Variants in TSHZ1 observed in about 807,000 individuals in gnomAD.
TSHZ1 encodes teashirt zinc finger homeobox 1, also known as teashirt homolog 1.
A neutral mutation model predicts 67.1 loss-of-function variants in TSHZ1; 12 were observed. That is an observed-to-expected ratio of 0.18 (90% CI 0.11 to 0.29). The LOEUF is 0.29. Among genes scored for constraint, TSHZ1 ranks in the 10% least tolerant of loss-of-function variants. TSHZ1 has a pLI of 1.00. For missense variants in TSHZ1, 1,305 were observed against 1,413.9 expected (o/e 0.92, Z 1.23); for synonymous variants, 632 against 622.4 (o/e 1.02, Z -0.23).
intron 1 of TSHZ1, among the ~76,000 whole-genome samples, chr18:75,250,482 C>T (rs1442090447): frequency 1.3e-5 from 2 of 152,232 alleles, no homozygotes; most frequent in Non-Finnish European, 1.5e-5. Context: ...AGCCCTCCTG[C>T]CCTCCCCGCG....
intron 1 of TSHZ1, among the ~76,000 whole-genome samples, chr18:75,240,055 C>T (rs1219957286): frequency 6.6e-6 from 1 of 152,178 alleles, no homozygotes; most frequent in African/African-American, 2.4e-5. Flanking sequence ...GATGTCCCCT[C>T]CTTGAGCCCA....
intron 1 of TSHZ1, among the ~76,000 whole-genome samples, chr18:75,263,977 T>C (rs1056225088): frequency 2.6e-5 from 4 of 152,232 alleles, no homozygotes; most frequent in African/African-American, 9.6e-5. Flanking sequence ...TACATTCTAT[T>C]CCATTGTCCA....
intron 1 of TSHZ1, among the ~76,000 whole-genome samples, chr18:75,250,404 C>T (rs1446783197): frequency 1.3e-5 from 2 of 152,216 alleles, no homozygotes. Flanking sequence ...GTGGGCTCTC[C>T]CTTCCGTCCC....
rs1257734332 is a variant in TSHZ1 at position 75,263,816 on chromosome 18, G to A, written c.41-21632G>A. On this transcript the variant is annotated intron_variant, in intron 1 of 1. Transcript: ENST00000580243. Reference sequence around the variant, plus strand: ...TTTTACTAAGTTTTTGATACTGGAAGATTCTGTGTTTTGAGTTTGGAGGGG... The same window carrying A: ...TTTTACTAAGTTTTTGATACTGGAAAATTCTGTGTTTTGAGTTTGGAGGGG... Among the ~76,000 whole-genome samples, 4 of 152,190 alleles carry A rather than the reference G, an allele frequency of 2.6e-5. No homozygotes were observed. In the East Asian group the frequency reaches 7.7e-4, roughly 29 times the overall value.
At chr18:75,245,464 T>C (rs1356248785) in intron 1 of TSHZ1, 3 of 152,238 alleles carry the variant, frequency 2.0e-5, no homozygotes, top group African/African-American at 7.2e-5. Flanking sequence ...GTTTGTACGA[T>C]GCTGCTGTGC....
chr18:75,245,877 G>GA (rs367559140), intron 1 of TSHZ1, among the ~76,000 whole-genome samples: 1 of 152,064 alleles, frequency 6.6e-6, no homozygotes, highest in Non-Finnish European at 1.5e-5. Flanking sequence ...TACCATAACA[G>GA]AAAAAAAGTT....
chr18:75,243,623 G>T (rs1007901026), intron 1 of TSHZ1, among the ~76,000 whole-genome samples: 2 of 152,160 alleles, frequency 1.3e-5, no homozygotes, highest in African/African-American at 4.8e-5. Flanking sequence ...GCAGCAGTTG[G>T]AAAAGGGTCT....
intron 1 of TSHZ1, among the ~76,000 whole-genome samples, chr18:75,264,915 A>G (rs2023472544): frequency 6.6e-6 from 1 of 152,218 alleles, no homozygotes; most frequent in Admixed American, 6.5e-5. Flanking sequence ...CCACAGCTAA[A>G]ATAAATTTCT....
intron 1 of TSHZ1, among the ~76,000 whole-genome samples, chr18:75,233,141 G>A (rs1031654100): frequency 1.3e-5 from 2 of 152,342 alleles, no homozygotes; most frequent in South Asian, 2.1e-4. Flanking sequence ...TTTCTGTGTC[G>A]TAGGAGTTCT....
At chr18:75,211,937 G>A (rs1310652338) in intron 1 of TSHZ1, 21 bp downstream of exon 1, 8 of 1,202,908 alleles carry the variant, frequency 6.7e-6, no homozygotes, top group African/African-American at 4.8e-5. Flanking sequence ...CGCGGCCCGC[G>A]CCGCGGGGAG....
Position 75,260,732 on chromosome 18 carries a change from T to C in TSHZ1, c.41-24716T>C, listed in dbSNP as rs535368948. Among the ~76,000 whole-genome samples the C allele has an allele frequency of 5.3e-5, 8 of 152,220 alleles. No homozygotes were observed. In the East Asian group the frequency reaches 9.7e-4, roughly 18 times the overall value. ...TCCTGGATGCTCCTCAGTTTTGCCT[T>C]TGTGACTCCTTCAGTCAACATTGAT... On this transcript the variant is annotated intron_variant, in intron 1 of 1. Transcript: ENST00000580243.
intron 1 of TSHZ1, among the ~76,000 whole-genome samples, chr18:75,242,517 ATT>A (rs1407840421): frequency 6.6e-6 from 1 of 152,258 alleles, no homozygotes; most frequent in Non-Finnish European, 1.5e-5. Flanking sequence ...TAGGTGGACC[ATT>A]TGTCATTCTG....
At chr18:75,219,924 C>T (rs1428220770) in intron 1 of TSHZ1, among the ~76,000 whole-genome samples, 1 of 152,230 alleles carries the variant, frequency 6.6e-6, no homozygotes, top group East Asian at 1.9e-4. Flanking sequence ...GATACATGCA[C>T]AGTCATATGT....
chr18:75,280,244 GTA>G (rs1213060398), intron 1 of TSHZ1, among the ~76,000 whole-genome samples: 41 of 152,216 alleles, frequency 2.7e-4, no homozygotes, highest in African/African-American at 9.9e-4. Context: ...AGGACATCTT[GTA>G]TAAGGGACAT....
At chr18:75,255,810 CA>C (rs1314989262) in intron 1 of TSHZ1, among the ~76,000 whole-genome samples, 1 of 152,184 alleles carries the variant, frequency 6.6e-6, no homozygotes, top group Non-Finnish European at 1.5e-5. Flanking sequence ...CACGTTTCTG[CA>C]TGTGTATTTT....
rs2023739659 is a variant in TSHZ1 at position 75,285,501 on chromosome 18, G to C, written c.94G>C (p.Glu32Gln). 6.5e-7 allele frequency: 1 copy of C among 1,528,446 alleles called. No individual in the cohort carries two copies. The highest frequency in any genetic ancestry group is 8.8e-7 in the Non-Finnish European group (1 of 1,134,874). The allele number at this position is 1,528,446 out of a possible 1,614,324, so 94.7% of individuals were successfully genotyped here. A position where few individuals can be genotyped will look rare whatever the true frequency, so the allele number is the denominator to read the frequency against. The change falls in exon 2 of 2, where the codon GAG becomes CAG. Residue 32 changes from glutamate to glutamine, a missense_variant. Physicochemically the swap from Glu to Gln is conservative, Grantham distance 29. Around this residue, in one of 3 missense-constraint regions of TSHZ1, gnomAD observed 358 missense variants for 375.6 expected, o/e 0.95. Transcript: ENST00000580243. The part of the protein sequence containing the change: ...KAAEIDEEHV[E>Q]DDGLSLDIQE... ...AGCAGAAATAGATGAAGAGCACGTG[G>C]AGGATGACGGGCTGTCTTTGGACAT...
In TSHZ1 at chr18:75,289,373, A is replaced by G. The variant is rs1224527323; in HGVS notation, c.*732A>G. 1 of 166,918 alleles carries G rather than the reference A, an allele frequency of 6.0e-6. No homozygotes were observed. Among genetic ancestry groups the G allele is most frequent in the Non-Finnish European group, 1.5e-5 (1 of 68,118 alleles). 10.3% of individuals were successfully genotyped at this position (166,918 alleles called of 1,614,324 possible). Reference sequence around the variant, plus strand: ...CGGCAAAAAAAAAAGTATGCAAGCTATTATTTAAAAATGTGTAAAAATGCT... The same window carrying G: ...CGGCAAAAAAAAAAGTATGCAAGCTGTTATTTAAAAATGTGTAAAAATGCT... On this transcript the variant is annotated 3_prime_UTR_variant, in exon 2 of 2. Transcript: ENST00000580243.
In TSHZ1 at chr18:75,288,447, G is replaced by C. The variant is rs767649903; in HGVS notation, c.3040G>C (p.Val1014Leu). Reference sequence around the variant, plus strand: ...CAATCAGATTCAAGAACAGCAGAATGTTTCGAAAGTCCTCACCAACAAAAC... The same window carrying C: ...CAATCAGATTCAAGAACAGCAGAATCTTTCGAAAGTCCTCACCAACAAAAC... ...PLNQIQEQQN[V>L]SKVLTNKTLG... is the part of the protein sequence containing the mutation. The change falls in exon 2 of 2, where the codon GTT becomes CTT. Residue 1014 changes from valine (V) to leucine (L), a missense_variant. By Grantham distance (32) the Val-to-Leu change is conservative (BLOSUM62 1). Around this residue, in one of 3 missense-constraint regions of TSHZ1, gnomAD observed 909 missense variants for 961.8 expected, o/e 0.95. Coordinates refer to ENST00000580243, the MANE Select transcript of TSHZ1 (RefSeq NM_001308210.2). The surrounding 1 kb of genome is among the most constrained non-coding windows in gnomAD (Gnocchi z 4.9). 2 of 1,614,182 alleles carry C rather than the reference G, an allele frequency of 1.2e-6. No individual in the cohort carries two copies. The highest frequency in any genetic ancestry group is 1.7e-5 in the Admixed American group (1 of 60,028).
In TSHZ1 at chr18:75,285,783, G is replaced by A. The variant is rs371623190; in HGVS notation, c.376G>A (p.Glu126Lys). 95 of 1,613,994 alleles carry A rather than the reference G, an allele frequency of 5.9e-5. No individual in the cohort carries two copies. Among genetic ancestry groups the A allele is most frequent in the Admixed American group, 3.8e-4 (23 of 59,996 alleles). ...IKAVYANLFS[E>K]SCWSSLALDL... ...AGCTGTGTATGCAAACTTGTTCTCC[G>A]AGTCCTGCTGGTCCAGCTTAGCTCT... The change falls in exon 2 of 2, where the codon GAG becomes AAG. Residue 126 changes from glutamate to lysine, a missense_variant. By Grantham distance (56) the Glu-to-Lys change is moderately conservative (BLOSUM62 1). Around this residue, in one of 3 missense-constraint regions of TSHZ1, gnomAD observed 358 missense variants for 375.6 expected, o/e 0.95. Transcript: ENST00000580243.
Sources: allele counts gnomAD v4.1 joint callset (sites outside exome capture counted in the v4.1 genomes callset), GRCh38; gene constraint gnomAD v4.1.1; regional missense constraint gnomAD v4.1.1; non-coding constraint Gnocchi (gnomAD v3.1); transcripts MANE v1.5; gene names NCBI Gene and HGNC (gene_info 2026-07-23, HGNC 2026-07-21).